The following LATS2 variants were observed in gnomAD, a reference collection of about 807,000 sequenced individuals.
The protein encoded by LATS2 is serine/threonine-protein kinase LATS2.
Under a neutral mutation model 76.0 loss-of-function variants are expected in LATS2, and 24 were observed. The ratio of observed to expected loss-of-function variants is 0.32; its 90% CI spans 0.23 to 0.44. LATS2 has a LOEUF of 0.44. Ranked by LOEUF, LATS2 falls within the 20% of genes least tolerant of loss-of-function variation. The pLI, the probability that LATS2 is intolerant of heterozygous loss-of-function variation, is 1.00. For synonymous variants in LATS2, 692 were observed against 635.4 expected (o/e 1.09, Z -1.34); for missense variants, 1,286 against 1,481.2 (o/e 0.87, Z 2.16).
chr13:21,040,361 C>T (rs4238156), intron 2 of LATS2, among the ~76,000 whole-genome samples: 102,579 of 147,548 alleles, frequency 0.7, 37,147 homozygotes, highest in Non-Finnish European at 0.82. Context: ...ACAGCCTCGG[C>T]GACAGACCTT....
intron 2 of LATS2, among the ~76,000 whole-genome samples, chr13:21,025,478 A>T (rs1872277996): frequency 6.6e-6 from 1 of 151,374 alleles, no homozygotes; most frequent in South Asian, 2.1e-4. Flanking sequence ...CGGACATGGG[A>T]TCATTTTCTG....
chr13:20,998,286 G>A (rs1339640194), intron 2 of LATS2, among the ~76,000 whole-genome samples: 1 of 152,162 alleles, frequency 6.6e-6, no homozygotes, highest in Non-Finnish European at 1.5e-5. Flanking sequence ...CTGGGAGGTG[G>A]AGGCTGCAGT....
intron 2 of LATS2, among the ~76,000 whole-genome samples, chr13:21,019,334 A>C (rs866113414): frequency 8.0e-6 from 1 of 125,402 alleles, no homozygotes; most frequent in Non-Finnish European, 1.8e-5. Context: ...TATTATTATT[A>C]TTATTATTTG....
intron 2 of LATS2, among the ~76,000 whole-genome samples, chr13:21,025,358 C>G (rs1409125768): frequency 2.0e-5 from 3 of 149,068 alleles, no homozygotes; most frequent in Non-Finnish European, 4.4e-5. Flanking sequence ...TGCCACTGCA[C>G]TCCAGCCTGG....
intron 2 of LATS2, among the ~76,000 whole-genome samples, chr13:21,017,383 C>A (rs1871843944): frequency 6.6e-6 from 1 of 151,992 alleles, no homozygotes; most frequent in South Asian, 2.1e-4. Flanking sequence ...CTATGTTACC[C>A]AGGCTGGTCT....
In LATS2 at chr13:20,988,003, G is replaced by A. The variant is rs1421513550; in HGVS notation, c.1777C>T (p.Arg593Cys). 1.9e-6 allele frequency: 3 copies of A among 1,614,130 alleles called. No individual in the cohort carries two copies. Among genetic ancestry groups the A allele is most frequent in the East Asian group, 4.5e-5 (2 of 44,900 alleles). ...GCGTATGGCGAGTAGCTCTTGATGCGTGACTCTCTCTTCTCTTCGTCTCTG... is the reference window on the plus strand; with the variant it reads ...GCGTATGGCGAGTAGCTCTTGATGCATGACTCTCTCTTCTCTTCGTCTCTG... ...NSRDEEKRESRIKSYSPYAFK... is the reference protein window; with the variant it reads ...NSRDEEKRESCIKSYSPYAFK... The change falls in exon 4 of 8, where the codon CGC becomes TGC. Residue 593 changes from arginine to cysteine, a missense_variant. By Grantham distance (180) the Arg-to-Cys change is radical. Around this residue, in one of 5 missense-constraint regions of LATS2, gnomAD observed 710 missense variants for 660.9 expected, o/e 1.07. Coordinates refer to ENST00000382592, the MANE Select transcript of LATS2 (RefSeq NM_014572.3).
At chr13:21,022,045 A>C (rs1306504419) in intron 2 of LATS2, among the ~76,000 whole-genome samples, 1 of 152,138 alleles carries the variant, frequency 6.6e-6, no homozygotes. Context: ...TAGAAAGATG[A>C]AATAGGAGAA....
intron 2 of LATS2, among the ~76,000 whole-genome samples, chr13:21,000,108 G>A (rs1245670128): frequency 6.6e-6 from 1 of 152,204 alleles, no homozygotes; most frequent in Non-Finnish European, 1.5e-5. Flanking sequence ...TAGGCCGGGC[G>A]TGGTGGCTCA....
intron 2 of LATS2, among the ~76,000 whole-genome samples, chr13:21,018,913 T>A (rs1265135464): frequency 1.3e-5 from 2 of 152,208 alleles, no homozygotes; most frequent in Non-Finnish European, 2.9e-5. Context: ...CCCCAAGTGC[T>A]GGGATTACAG....
At chr13:20,986,972 C>A (rs573625255) in intron 4 of LATS2, among the ~76,000 whole-genome samples, 2 of 152,292 alleles carry the variant, frequency 1.3e-5, no homozygotes, top group South Asian at 4.1e-4. Flanking sequence ...GTGGGCAGAT[C>A]ACCTGAGGTC....
Position 20,989,203 on chromosome 13 carries a change from C to T in LATS2, c.577G>A (p.Gly193Ser), listed in dbSNP as rs1307115431. 1.9e-6 allele frequency: 3 copies of T among 1,613,594 alleles called. No homozygotes were observed. Among genetic ancestry groups the T allele is most frequent in the Admixed American group, 3.3e-5 (2 of 60,002 alleles). ...YHQLSGTPYE[G>S]PSFGADGPTA... The stretch of plus-strand genomic sequence containing the variant: ...GGGCCGTCAGCGCCGAAGCTTGGGC[C>T]CTCGTAGGGGGTACCGCTCAGCTGG... Residue 193 changes from glycine (G) to serine (S), a missense_variant, in exon 4 of 8, where the codon GGC becomes AGC. Physicochemically the swap from Gly to Ser is moderately conservative, Grantham distance 56. Coordinates refer to ENST00000382592, the MANE Select transcript of LATS2 (RefSeq NM_014572.3).
At chr13:21,050,943 G>C (rs527650007) in intron 1 of LATS2, among the ~76,000 whole-genome samples, 3 of 152,138 alleles carry the variant, frequency 2.0e-5, no homozygotes, top group South Asian at 2.1e-4. Flanking sequence ...AGCCACGTGA[G>C]GGGGGGCAGG....
intron 2 of LATS2, among the ~76,000 whole-genome samples, chr13:20,993,882 A>C (rs958395276): frequency 2.6e-5 from 4 of 152,194 alleles, no homozygotes; most frequent in African/African-American, 7.2e-5. Flanking sequence ...CCCATTAAAA[A>C]AATGTGCCAA....
chr13:21,038,646 G>C (rs1409973485), intron 2 of LATS2: 1 of 152,174 alleles, frequency 6.6e-6, no homozygotes, highest in Non-Finnish European at 1.5e-5. Context: ...CATTGGCTAT[G>C]ACACTGCCAC....
At chr13:21,045,015 CCA>C (rs1303744222) in intron 2 of LATS2, among the ~76,000 whole-genome samples, 1 of 152,142 alleles carries the variant, frequency 6.6e-6, no homozygotes, top group Non-Finnish European at 1.5e-5. Context: ...GCATGAGCCA[CCA>C]CACTCATCTC....
In LATS2 at chr13:20,983,486, G is replaced by C; in HGVS notation, c.2220C>G (p.Ser740Arg). 6.2e-7 allele frequency: 1 copy of C among 1,614,044 alleles called. No homozygotes were observed. Among genetic ancestry groups the C allele is most frequent in the Non-Finnish European group, 8.5e-7 (1 of 1,179,974 alleles). The part of the protein sequence containing the change: ...KLYYSFQDKD[S>R]LYFVMDYIPG... ...GGATGTAGTCCATCACAAAGTACAG[G>C]CTGTCTTTGTCTTGGAAGGAGTAGT... Residue 740 changes from serine to arginine, a missense_variant, in exon 5 of 8, where the codon AGC becomes AGG. Ser to Arg is a moderately radical substitution (Grantham distance 110). Coordinates refer to ENST00000382592, the MANE Select transcript of LATS2 (RefSeq NM_014572.3).
intron 2 of LATS2, among the ~76,000 whole-genome samples, chr13:20,998,615 G>T (rs1296972923): frequency 6.6e-6 from 1 of 152,234 alleles, no homozygotes; most frequent in Non-Finnish European, 1.5e-5. Flanking sequence ...CCACGGAAAG[G>T]CCCCTGGAAG....
At chr13:20,981,868 T>C (rs957330857) in intron 5 of LATS2, among the ~76,000 whole-genome samples, 1 of 151,990 alleles carries the variant, frequency 6.6e-6, no homozygotes, top group African/African-American at 2.4e-5. Context: ...AGCACCAAGG[T>C]AGAAATGACG....
chr13:21,018,805 C>A (rs1871914104), intron 2 of LATS2, among the ~76,000 whole-genome samples: 1 of 152,070 alleles, frequency 6.6e-6, no homozygotes, highest in Non-Finnish European at 1.5e-5. Context: ...AGCACCATGC[C>A]CAGCTAATTT....
Sources: gnomAD v4.1 joint callset for allele counts (sites outside exome capture counted in the v4.1 genomes callset) on GRCh38, gnomAD v4.1.1 for gene constraint, gnomAD v4.1.1 regional missense constraint, MANE v1.5 for transcripts, NCBI Gene and HGNC (gene_info 2026-07-23, HGNC 2026-07-21) for gene names.